Variants in ASPSCR1 observed in about 807,000 individuals in gnomAD.
ASPSCR1 encodes tether containing UBX domain for GLUT4.
In ASPSCR1, 55 loss-of-function variants were observed where a neutral mutation model predicts 68.9. That is an observed-to-expected ratio of 0.80 (90% CI 0.64 to 1.00). The LOEUF (loss-of-function observed/expected upper bound fraction) is 1.00, where lower values mean the gene tolerates loss of function less well. ASPSCR1 is among the 50% of genes least tolerant of loss of function. The probability of loss-of-function intolerance (pLI) is 0.00; values close to 1 mark genes in which losing one functional copy is unlikely to be tolerated. For missense variants in ASPSCR1, 765 were observed against 762.2 expected, an observed-to-expected ratio of 1.00 and a Z score of -0.04; for synonymous variants, 352 against 332.6, an observed-to-expected ratio of 1.06 and a Z score of -0.63.
chr17:82,011,012 T>G (rs2042919751), intron 10 of ASPSCR1, 144 bp downstream of exon 10: 1 of 973,686 alleles, frequency 1.0e-6, no homozygotes, highest in South Asian at 1.6e-5. Context: ...TGATGTCCCC[T>G]TGGGGGTGCA....
At chr17:82,012,125 G>A in intron 11 of ASPSCR1, 106 bp from the exon 12 acceptor site, 1 of 1,324,010 alleles carries the variant, frequency 7.6e-7, no homozygotes, top group Non-Finnish European at 1.1e-6. Context: ...GGGCTCTTCT[G>A]CCCCACTTGA....
chr17:82,008,842 TG>T, intron 7 of ASPSCR1, 194 bp from the exon 8 acceptor site: 1 of 648,090 alleles, frequency 1.5e-6, no homozygotes, highest in Non-Finnish European at 2.4e-6. Flanking sequence ...AGGCTCTGAG[TG>T]GGGTGGGGTC....
Position 81,983,732 on chromosome 17 carries a change from G to T in ASPSCR1, c.273+64G>T, listed in dbSNP as rs142278915. The T allele has an allele frequency of 4.3e-6, 6 of 1,379,664 alleles. No homozygotes were observed. The highest frequency in any genetic ancestry group is 6.0e-6 in the Non-Finnish European group (6 of 992,640). The allele number at this position is 1,379,664 out of a possible 1,614,324, so 85.5% of individuals were successfully genotyped here. On this transcript the variant is annotated intron_variant, in intron 3 of 15. Transcript: ENST00000306739. This position sits in a 1 kb window ranked among gnomAD's most constrained non-coding sequence, Gnocchi z 4.4. ...CAGGATCGTTCAGCTGGCCAGGGACGGGGGACGGGACAGTGGGGGGTGCTG... is the reference window on the plus strand; with the variant it reads ...CAGGATCGTTCAGCTGGCCAGGGACTGGGGACGGGACAGTGGGGGGTGCTG...
At position 81,977,774 on chromosome 17, in the gene ASPSCR1, G is replaced by C. The variant is rs756237541; in HGVS notation, c.102+26G>C. 7.4e-6 allele frequency: 9 copies of C among 1,213,454 alleles called. No homozygotes were observed. Among genetic ancestry groups the C allele is most frequent in the Middle Eastern group, 3.2e-4 (1 of 3,100 alleles). 75.2% of individuals were successfully genotyped at this position (1,213,454 alleles called of 1,614,324 possible). A position where few individuals can be genotyped will look rare whatever the true frequency, so the allele number is the denominator to read the frequency against. On this transcript the variant is annotated intron_variant, in intron 1 of 15. Coordinates refer to ENST00000306739, the MANE Select transcript of ASPSCR1 (RefSeq NM_024083.4). The surrounding 1 kb of genome is among the most constrained non-coding windows in gnomAD (Gnocchi z 5.0). ...GTGCGGCCGCCCGCCCGGGGCGGAC[G>C]GGTAGGCGGGCGGGGGGCGCTGCGC... is the stretch of plus-strand genomic sequence containing the variant.
rs749324981 is a variant in ASPSCR1 at position 81,986,405 on chromosome 17, G to A, written c.374+798G>A. Among the ~76,000 whole-genome samples, 2 of 152,082 alleles carry A rather than the reference G, an allele frequency of 1.3e-5. No homozygotes were observed. Among genetic ancestry groups the A allele is most frequent in the Non-Finnish European group, 2.9e-5 (2 of 68,018 alleles). ...GATCGCACTGCTGCACTCCAGCCTG[G>A]GCAACAGAACGAGACTCTGTCTCAA... is the stretch of plus-strand genomic sequence containing the variant. On this transcript the variant is annotated intron_variant, in intron 4 of 15. Coordinates refer to ENST00000306739, the MANE Select transcript of ASPSCR1 (RefSeq NM_024083.4). The surrounding 1 kb of genome is among the most constrained non-coding windows in gnomAD (Gnocchi z 5.2).
At chr17:82,009,301 C>T (rs2042830674) in intron 8 of ASPSCR1, 110 bp downstream of exon 8, 5 of 1,440,240 alleles carry the variant, frequency 3.5e-6, no homozygotes, top group Non-Finnish European at 3.7e-6. Context: ...GCCCAGGTCC[C>T]TGACAGGCTG....
At chr17:82,013,898 C>G (rs932774322) in intron 12 of ASPSCR1, 1 of 152,286 alleles carries the variant, frequency 6.6e-6, no homozygotes, top group Non-Finnish European at 1.5e-5. Context: ...ACAGTCACTT[C>G]TGTGTGCGGT....
chr17:82,007,612 CAG>C (rs1259714559), intron 7 of ASPSCR1: 1 of 152,288 alleles, frequency 6.6e-6, no homozygotes, highest in African/African-American at 2.4e-5. Context: ...ACGAGCCCAT[CAG>C]GGGTACTCTG....
chr17:82,017,042 A>G lies in ASPSCR1; in HGVS notation c.1577A>G (p.Glu526Gly), dbSNP rs1027687931. Residue 526 changes from glutamate to glycine, a missense_variant, in exon 15 of 16, where the codon GAG becomes GGG. Glu to Gly is a moderately conservative substitution (Grantham distance 98, BLOSUM62 -2). Transcript: ENST00000306739. ...AAEEGALVPP[E>G]PIPGTAQPVK... ...GAGGAGGGGGCGCTGGTCCCCCCTGAGCCCATCCCAGGGACGGCCCAGCCC... is the reference window on the plus strand; with the variant it reads ...GAGGAGGGGGCGCTGGTCCCCCCTGGGCCCATCCCAGGGACGGCCCAGCCC... 15 of 1,611,784 alleles carry G rather than the reference A, an allele frequency of 9.3e-6. No homozygotes were observed. Among genetic ancestry groups the G allele is most frequent in the Non-Finnish European group, 1.3e-5 (15 of 1,179,734 alleles).
In ASPSCR1 at chr17:82,012,599, C is replaced by A. The variant is rs60183079; in HGVS notation, c.1353+316C>A. On this transcript the variant is annotated intron_variant, in intron 12 of 15. Transcript: ENST00000306739. Reference sequence around the variant, plus strand: ...GGGGCCAAGGCGGCAGCAGTCCCTGCCCAGGGGTCTGGGTGAGGAAGGGCC... The same window carrying A: ...GGGGCCAAGGCGGCAGCAGTCCCTGACCAGGGGTCTGGGTGAGGAAGGGCC... 8.8e-3 allele frequency among the ~76,000 whole-genome samples: 1,340 copies of A among 152,234 alleles called. 25 individuals are homozygous for A. The highest frequency in any genetic ancestry group is 0.031 in the African/African-American group (1,285 of 41,542).
At position 81,996,804 on chromosome 17, in the gene ASPSCR1, G is replaced by GGAGCAGGAGCAT. The variant is rs2042360051; in HGVS notation, c.895_896insAGGAGCATGAGC (p.Glu298_Arg299insGlnGluHisGlu). On this transcript the variant is annotated inframe_insertion, in exon 7 of 16. Coordinates refer to ENST00000306739, the MANE Select transcript of ASPSCR1 (RefSeq NM_024083.4). The stretch of plus-strand genomic sequence containing the variant: ...AGGATCCCCAGCAGGAGCAGGAGCA[G>GGAGCAGGAGCAT]GAGCGGGAGCGGGATCCCCAGCAGG... The GGAGCAGGAGCAT allele has an allele frequency of 4.4e-6, 7 of 1,608,332 alleles. No individual in the cohort carries two copies. The East Asian group carries it at 1.6e-4, about 36-fold the overall frequency.
In ASPSCR1 at chr17:81,985,505, A is replaced by G; in HGVS notation, c.274-2A>G. 6.2e-7 allele frequency: 1 copy of G among 1,613,904 alleles called. No individual in the cohort carries two copies. The highest frequency in any genetic ancestry group is 8.5e-7 in the Non-Finnish European group (1 of 1,179,894). Reference sequence around the variant, plus strand: ...AAGTTTCTCATGTCTTATACCCTCCAGGTTCGCATCGCTTTGCAGCTGGAC... The same window carrying G: ...AAGTTTCTCATGTCTTATACCCTCCGGGTTCGCATCGCTTTGCAGCTGGAC... On this transcript the variant is annotated splice_acceptor_variant, in intron 3 of 15. Coordinates refer to ENST00000306739, the MANE Select transcript of ASPSCR1 (RefSeq NM_024083.4). LOFTEE classifies it high-confidence loss of function.
At chr17:82,008,834 G>A in intron 7 of ASPSCR1, 1 of 609,908 alleles carries the variant, frequency 1.6e-6, no homozygotes, top group Non-Finnish European at 2.6e-6. Flanking sequence ...CCCTGGACAG[G>A]CTCTGAGTGG....
intron 7 of ASPSCR1, among the ~76,000 whole-genome samples, chr17:81,998,806 C>G (rs762509922): frequency 8.5e-5 from 13 of 152,212 alleles, no homozygotes; most frequent in Non-Finnish European, 1.6e-4. Flanking sequence ...TGGAAGTTCT[C>G]CGAAGGTTAT....
At chr17:82,016,390 G>C in intron 12 of ASPSCR1, 86 bp from the exon 13 acceptor site, 1 of 1,254,570 alleles carries the variant, frequency 8.0e-7, no homozygotes, top group South Asian at 1.4e-5. Flanking sequence ...GTGGAGCTGG[G>C]GCCTGGCCCT....
intron 5 of ASPSCR1, 38 bp from the exon 6 acceptor site, chr17:81,995,954 G>T (rs535432773): frequency 1.3e-6 from 2 of 1,594,276 alleles, no homozygotes; most frequent in African/African-American, 1.3e-5. Context: ...CTGGGGTCCC[G>T]GTGCAAGGCG....
In ASPSCR1 at chr17:81,977,652, G is replaced by C; in HGVS notation, c.6G>C (p.Ala2=). Residue 2 remains alanine (A), a synonymous_variant, in exon 1 of 16, where the codon GCG becomes GCC. Transcript: ENST00000306739. This position sits in a 1 kb window ranked among gnomAD's most constrained non-coding sequence, Gnocchi z 5.0. ...GCGGGTCACGTGAGCGGAAAATGGCGGCCCCGGCAGGCGGCGGAGGCTCCG... is the reference window on the plus strand; with the variant it reads ...GCGGGTCACGTGAGCGGAAAATGGCCGCCCCGGCAGGCGGCGGAGGCTCCG... The part of the protein sequence containing the change: M[A]APAGGGGSAV... 7.2e-7 allele frequency: 1 copy of C among 1,395,078 alleles called. No homozygotes were observed. The highest frequency in any genetic ancestry group is 9.3e-7 in the Non-Finnish European group (1 of 1,071,726). 86.4% of individuals were successfully genotyped at this position (1,395,078 alleles called of 1,614,324 possible).
At chr17:81,980,187 T>G (rs1598381479) in intron 2 of ASPSCR1, among the ~76,000 whole-genome samples, 1 of 152,222 alleles carries the variant, frequency 6.6e-6, no homozygotes, top group Non-Finnish European at 1.5e-5. Flanking sequence ...TTCACCACAT[T>G]GGCCAGGACG....
chr17:81,991,048 G>A (rs2042144173), intron 4 of ASPSCR1, among the ~76,000 whole-genome samples: 1 of 152,170 alleles, frequency 6.6e-6, no homozygotes, highest in Non-Finnish European at 1.5e-5. Context: ...ACTGTTGTGG[G>A]TGACCGAGAC....
Sources: allele counts gnomAD v4.1 joint callset (sites outside exome capture counted in the v4.1 genomes callset), GRCh38; gene constraint gnomAD v4.1.1; non-coding constraint Gnocchi (gnomAD v3.1); transcripts MANE v1.5; gene names NCBI Gene and HGNC (gene_info 2026-07-23, HGNC 2026-07-21).